The following SDK1 variants were observed in gnomAD, a reference collection of about 807,000 sequenced individuals.
The protein encoded by SDK1 is sidekick cell adhesion molecule 1.
In SDK1, 157 loss-of-function variants were observed where a neutral mutation model predicts 245.5. The ratio of observed to expected loss-of-function variants is 0.64; its 90% CI spans 0.56 to 0.73. SDK1 has a LOEUF of 0.73. SDK1 is among the 30% of genes least tolerant of loss of function. The pLI, the probability that SDK1 is intolerant of heterozygous loss-of-function variation, is 0.00. For synonymous variants in SDK1, 1,647 were observed against 1,278.5 expected (o/e 1.29, Z -6.15); for missense variants, 3,583 against 3,002.3 (o/e 1.19, Z -4.52).
chr7:3,729,827 A>G (rs1380252436), intron 4 of SDK1, among the ~76,000 whole-genome samples: 1 of 151,934 alleles, frequency 6.6e-6, no homozygotes, highest in East Asian at 1.9e-4. Context: ...TTAAGAACCG[A>G]GAAAATCCTC....
At chr7:3,491,939 G>T (rs2128605331) in intron 1 of SDK1, among the ~76,000 whole-genome samples, 2 of 152,292 alleles carry the variant, frequency 1.3e-5, no homozygotes, top group South Asian at 2.1e-4. Context: ...AGCTGATACA[G>T]TGAATACAGG....
chr7:4,256,886 T>A (rs888764566), intron 44 of SDK1, among the ~76,000 whole-genome samples: 2 of 152,188 alleles, frequency 1.3e-5, no homozygotes, highest in Admixed American at 1.3e-4. Flanking sequence ...TTTAAACCAC[T>A]CTCAGAACTA....
At chr7:3,771,728 C>T (rs1780409701) in intron 4 of SDK1, among the ~76,000 whole-genome samples, 1 of 152,048 alleles carries the variant, frequency 6.6e-6, no homozygotes, top group Admixed American at 6.5e-5. Context: ...CTTTGTTTTC[C>T]AATTTTTTTT....
intron 4 of SDK1, among the ~76,000 whole-genome samples, chr7:3,673,499 T>A (rs1783785060): frequency 1.3e-5 from 2 of 152,250 alleles, no homozygotes; most frequent in African/African-American, 4.8e-5. Context: ...AATCAATGTT[T>A]AAACATGGAA....
chr7:3,754,542 T>C (rs1463090545), intron 4 of SDK1, among the ~76,000 whole-genome samples: 1 of 152,182 alleles, frequency 6.6e-6, no homozygotes, highest in East Asian at 1.9e-4. Context: ...CTCCAAAAGT[T>C]GATTCTCCTT....
chr7:4,072,893 G>A (rs1005225838), intron 20 of SDK1, among the ~76,000 whole-genome samples: 2 of 152,238 alleles, frequency 1.3e-5, no homozygotes, highest in South Asian at 4.1e-4. Context: ...CGGAGTAGGG[G>A]GCGGCTGCGC....
chr7:3,417,774 A>C (rs1779414974), intron 1 of SDK1, among the ~76,000 whole-genome samples: 1 of 152,282 alleles, frequency 6.6e-6, no homozygotes, highest in South Asian at 2.1e-4. Context: ...TGAGTGAATA[A>C]AATAGCAGTG....
intron 1 of SDK1, among the ~76,000 whole-genome samples, chr7:3,329,585 T>G (rs1324288058): frequency 1.3e-5 from 2 of 152,176 alleles, no homozygotes; most frequent in Admixed American, 1.3e-4. Context: ...TCTCTATAGA[T>G]TTGCCTTTTC....
intron 1 of SDK1, among the ~76,000 whole-genome samples, chr7:3,522,678 G>T (rs1300683494): frequency 1.3e-5 from 2 of 152,022 alleles, no homozygotes; most frequent in East Asian, 1.9e-4. Context: ...GCCAGAGGCT[G>T]GGGGGATAGT....
At chr7:3,980,242 A>C (rs1170699321) in intron 13 of SDK1, among the ~76,000 whole-genome samples, 1 of 152,174 alleles carries the variant, frequency 6.6e-6, no homozygotes, top group East Asian at 1.9e-4. Flanking sequence ...TCTTTTTCAA[A>C]ACTGTTTTTC....
chr7:3,488,722 A>T (rs553067847), intron 1 of SDK1, among the ~76,000 whole-genome samples: 4 of 152,284 alleles, frequency 2.6e-5, no homozygotes, highest in African/African-American at 9.6e-5. Flanking sequence ...GTAATTTTAG[A>T]GGTTGTTAAC....
intron 1 of SDK1, among the ~76,000 whole-genome samples, chr7:3,537,613 C>G (rs1295900830): frequency 6.6e-6 from 1 of 152,202 alleles, no homozygotes; most frequent in Non-Finnish European, 1.5e-5. Flanking sequence ...AGTTTTTCTT[C>G]AGTGACTATT....
At chr7:3,710,494 A>G (rs547711457) in intron 4 of SDK1, among the ~76,000 whole-genome samples, 44 of 152,356 alleles carry the variant, frequency 2.9e-4, no homozygotes, top group Non-Finnish European at 4.1e-4. Flanking sequence ...TACTTTTGAT[A>G]TAGAAACAAG....
chr7:4,202,686 T>C (rs1209700102), intron 35 of SDK1, among the ~76,000 whole-genome samples: 1 of 152,260 alleles, frequency 6.6e-6, no homozygotes. Context: ...AGTTAATTCC[T>C]ACAGCTCTGA....
chr7:3,868,103 C>T (rs897547720), intron 5 of SDK1, among the ~76,000 whole-genome samples: 8 of 152,034 alleles, frequency 5.3e-5, no homozygotes, highest in African/African-American at 1.2e-4. Flanking sequence ...AGCTGTGTGG[C>T]GTGGAAAGTT....
chr7:3,985,782 A>G lies in SDK1; in HGVS notation c.1995-1404A>G, dbSNP rs1783781775. Among the ~76,000 whole-genome samples the G allele has an allele frequency of 4.6e-5, 7 of 152,266 alleles. No individual in the cohort carries two copies. In the South Asian group the frequency reaches 1.0e-3, roughly 22 times the overall value. Reference sequence around the variant, plus strand: ...CTACATTAGAAATATTAGTATGCTTATAAATGGTGCGTATGGGTTAGAGCT... The same window carrying G: ...CTACATTAGAAATATTAGTATGCTTGTAAATGGTGCGTATGGGTTAGAGCT... On this transcript the variant is annotated intron_variant, in intron 13 of 44. Transcript: ENST00000404826.
At chr7:3,574,694 A>AT (rs1309908345) in intron 1 of SDK1, among the ~76,000 whole-genome samples, 1 of 152,074 alleles carries the variant, frequency 6.6e-6, no homozygotes, top group Non-Finnish European at 1.5e-5. Flanking sequence ...AAAGTAGCTG[A>AT]TGGAATACTG....
chr7:3,668,811 C>T (rs1256327911), intron 4 of SDK1, among the ~76,000 whole-genome samples: 1 of 152,120 alleles, frequency 6.6e-6, no homozygotes, highest in Non-Finnish European at 1.5e-5. Context: ...AAACAAAATA[C>T]TATATTGCCT....
chr7:4,169,174 T>C (rs1781680169), intron 32 of SDK1, among the ~76,000 whole-genome samples: 1 of 152,228 alleles, frequency 6.6e-6, no homozygotes, highest in Admixed American at 6.5e-5. Flanking sequence ...TTTGCAAGAC[T>C]GGTTGTTACC....
Sources: gnomAD v4.1 joint callset for allele counts (sites outside exome capture counted in the v4.1 genomes callset) on GRCh38, gnomAD v4.1.1 for gene constraint, MANE v1.5 for transcripts, NCBI Gene and HGNC (gene_info 2026-07-23, HGNC 2026-07-21) for gene names.